ECRG4: variants seen among roughly 807,000 people sequenced by gnomAD.
The protein encoded by ECRG4 is augurin.
ECRG4 carries 18 observed loss-of-function variants against 15.8 expected under a neutral mutation model. The ratio of observed to expected loss-of-function variants is 1.14; its 90% confidence interval spans 0.79 to 1.69. ECRG4 has a LOEUF of 1.69. Ranked by LOEUF, ECRG4 falls within the 40% of genes most tolerant of loss-of-function variation. ECRG4 has a pLI of 0.00. For synonymous variants in ECRG4, 82 were observed against 73.9 expected (o/e 1.11, Z -0.56); for missense variants, 200 against 190.9 (o/e 1.05, Z -0.28).
intron 1 of ECRG4, among the ~76,000 whole-genome samples, chr2:106,066,803 G>C (rs925102575): frequency 2.6e-5 from 4 of 152,136 alleles, no homozygotes; most frequent in African/African-American, 9.7e-5. Flanking sequence ...AACTGAACTC[G>C]AGGTGAGAAG....
chr2:106,074,624 C>T (rs892912839), intron 3 of ECRG4, among the ~76,000 whole-genome samples: 1 of 152,224 alleles, frequency 6.6e-6, no homozygotes, highest in African/African-American at 2.4e-5. Context: ...TGATCGTAGG[C>T]TCCCAGCTGG....
At position 106,078,029 on chromosome 2, in the gene ECRG4, A is replaced by T. The variant is rs1424306457; in HGVS notation, c.*103A>T. ...TTTCTGATTTGCTCTATTTCAGCAG[A>T]TCTTTTCTACCTACTTTGTGTGATC... On this transcript the variant is annotated 3_prime_UTR_variant, in exon 4 of 4. Coordinates refer to ENST00000238044, the MANE Select transcript of ECRG4 (RefSeq NM_032411.3). 9.0e-7 allele frequency: 1 copy of T among 1,112,688 alleles called. No homozygotes were observed. The allele number at this position is 1,112,688 out of a possible 1,614,324, so 68.9% of individuals were successfully genotyped here.
intron 3 of ECRG4, among the ~76,000 whole-genome samples, chr2:106,077,037 T>C (rs541797985): frequency 6.6e-6 from 1 of 152,340 alleles, no homozygotes; most frequent in East Asian, 1.9e-4. Context: ...TCTACACTAC[T>C]TACTCAGCTT....
intron 2 of ECRG4, among the ~76,000 whole-genome samples, chr2:106,073,410 C>T (rs1009340532): frequency 1.8e-4 from 28 of 152,140 alleles, no homozygotes; most frequent in Non-Finnish European, 2.6e-4. Context: ...CCTGCTCACC[C>T]GGGGCTCATC....
At chr2:106,070,850 A>G in intron 1 of ECRG4, 1 of 468,262 alleles carries the variant, frequency 2.1e-6, no homozygotes, top group Non-Finnish European at 4.4e-6. Context: ...AGTGGTCACC[A>G]TTACCTCCAT....
chr2:106,069,376 C>T (rs1444621202), intron 1 of ECRG4, among the ~76,000 whole-genome samples: 1 of 149,062 alleles, frequency 6.7e-6, no homozygotes, highest in African/African-American at 2.5e-5. Context: ...CTCTGTCACG[C>T]AGAATGGAGT....
chr2:106,077,787 A>G lies in ECRG4; in HGVS notation c.308A>G (p.Tyr103Cys), dbSNP rs193020612. 2 of 1,613,910 alleles carry G rather than the reference A, an allele frequency of 1.2e-6. No homozygotes were observed. The highest frequency in any genetic ancestry group is 1.7e-5 in the Admixed American group (1 of 59,968). Residue 103 changes from tyrosine to cysteine, a missense_variant, in exon 4 of 4, where the codon TAT (tyrosine) becomes TGT (cysteine). Transcript: ENST00000238044. ...CAGAAATTTGAAGATGACATCACCT[A>G]TTGGCTTAACAGAGATCGAAATGGA... is the stretch of plus-strand genomic sequence containing the variant. ...DEAKFEDDIT[Y>C]WLNRDRNGHE... is the part of the protein sequence containing the mutation.
At position 106,077,944 on chromosome 2, in the gene ECRG4, C is replaced by T. The variant is rs768759203; in HGVS notation, c.*18C>T. 3 of 1,611,090 alleles carry T rather than the reference C, an allele frequency of 1.9e-6. No individual in the cohort carries two copies. Among genetic ancestry groups the T allele is most frequent in the Non-Finnish European group, 2.5e-6 (3 of 1,178,680 alleles). On this transcript the variant is annotated 3_prime_UTR_variant, in exon 4 of 4. Transcript: ENST00000238044. Reference sequence around the variant, plus strand: ...ACTACTAACCATGACTTGCCACACGCTGTACAAGAAGCAAATAGCGATTCT... The same window carrying T: ...ACTACTAACCATGACTTGCCACACGTTGTACAAGAAGCAAATAGCGATTCT...
intron 1 of ECRG4, among the ~76,000 whole-genome samples, chr2:106,066,905 A>T (rs762618020): frequency 6.6e-6 from 1 of 151,752 alleles, no homozygotes; most frequent in South Asian, 2.1e-4. Flanking sequence ...GGTGGGGAGG[A>T]TTATTGTTCC....
chr2:106,070,385 G>T (rs1011162762), intron 1 of ECRG4, among the ~76,000 whole-genome samples: 3 of 152,296 alleles, frequency 2.0e-5, no homozygotes, highest in African/African-American at 2.4e-5. Flanking sequence ...AAGGCAGCCA[G>T]GTAGCACTTT....
At chr2:106,063,614 G>A (rs147477601), upstream of ECRG4, among the ~76,000 whole-genome samples, 522 of 152,150 alleles carry the variant, frequency 3.4e-3, no homozygotes, top group Admixed American at 7.6e-3. Flanking sequence ...ATAGTGTCTC[G>A]CTTTGTCACC....
At position 106,073,957 on chromosome 2, in the gene ECRG4, C is replaced by A. The variant is rs1369596728; in HGVS notation, c.199C>A (p.Arg67Ser). 1 of 1,614,210 alleles carries A rather than the reference C, an allele frequency of 6.2e-7. No individual in the cohort carries two copies. Among genetic ancestry groups the A allele is most frequent in the Non-Finnish European group, 8.5e-7 (1 of 1,180,046 alleles). ...CAAAGAATTCCTTGGCAGCCTGAAG[C>A]GCCAGAAGCGGCAGCTGTGGGACCG... is the stretch of plus-strand genomic sequence containing the variant. ...KAKEFLGSLK[R>S]QKRQLWDRTR... is the part of the protein sequence containing the mutation. The change falls in exon 3 of 4, where the codon CGC (arginine) becomes AGC (serine). Residue 67 changes from arginine (R) to serine (S), a missense_variant. Coordinates refer to ENST00000238044, the MANE Select transcript of ECRG4 (RefSeq NM_032411.3).
chr2:106,065,288 T>A (rs1434872978), upstream of ECRG4, among the ~76,000 whole-genome samples: 1 of 151,668 alleles, frequency 6.6e-6, no homozygotes, highest in Non-Finnish European at 1.5e-5. Flanking sequence ...GTGGCGCGGC[T>A]GGGGCGGGCG....
upstream of ECRG4, among the ~76,000 whole-genome samples, chr2:106,063,666 T>C (rs1465174862): frequency 6.6e-6 from 1 of 152,186 alleles, no homozygotes; most frequent in East Asian, 1.9e-4. Context: ...CACTGCAACC[T>C]CCGCCTCCTG....
intron 1 of ECRG4, among the ~76,000 whole-genome samples, chr2:106,066,928 C>G (rs1676227162): frequency 6.6e-6 from 1 of 151,994 alleles, no homozygotes; most frequent in South Asian, 2.1e-4. Flanking sequence ...CTTAGAATCA[C>G]AGGCGAAGCT....
At chr2:106,066,466 C>T (rs999543247) in intron 1 of ECRG4, among the ~76,000 whole-genome samples, 1 of 152,246 alleles carries the variant, frequency 6.6e-6, no homozygotes, top group South Asian at 2.1e-4. Flanking sequence ...ATGATGGGTG[C>T]TCCGATATCT....
chr2:106,071,322 T>TAAAAAAAAAAAAAAAAGAAAAAAAAAAAA (rs1676362944), intron 1 of ECRG4, among the ~76,000 whole-genome samples: 1 of 78,332 alleles, frequency 1.3e-5, no homozygotes, highest in African/African-American at 5.9e-5. Context: ...GGTAAGGCTG[T>TAAAAAAAAAAAAAAAAGAAAAAAAAAAAA]AAAAAAAAAA....
Position 106,070,650 on chromosome 2 carries a change from G to A in ECRG4, c.80-1194G>A, listed in dbSNP as rs1023634826. 6 of 196,330 alleles carry A rather than the reference G, an allele frequency of 3.1e-5. No individual in the cohort carries two copies. In the East Asian group the frequency reaches 6.6e-4, roughly 22 times the overall value. 12.2% of individuals were successfully genotyped at this position (196,330 alleles called of 1,614,324 possible). On this transcript the variant is annotated intron_variant, in intron 1 of 3. Coordinates refer to ENST00000238044, the MANE Select transcript of ECRG4 (RefSeq NM_032411.3). Reference sequence around the variant, plus strand: ...TATTTTTTCCCCCAGCTTTATTGATGTATAATTCACAAACAAAGCAGGCAT... The same window carrying A: ...TATTTTTTCCCCCAGCTTTATTGATATATAATTCACAAACAAAGCAGGCAT...
At chr2:106,069,412 C>A (rs559426275) in intron 1 of ECRG4, among the ~76,000 whole-genome samples, 49 of 151,324 alleles carry the variant, frequency 3.2e-4, no homozygotes, top group African/African-American at 1.2e-3. Context: ...TGGTTCACTG[C>A]AACTTCTGTC....
Sources: gnomAD v4.1 joint callset for allele counts (sites outside exome capture counted in the v4.1 genomes callset) on GRCh38, gnomAD v4.1.1 for gene constraint, MANE v1.5 for transcripts, NCBI Gene and HGNC (gene_info 2026-07-23, HGNC 2026-07-21) for gene names.